Variants in STARD13 observed in about 807,000 individuals in gnomAD.
The protein encoded by STARD13 is StAR related lipid transfer domain containing 13, also known as stAR-related lipid transfer protein 13.
Under a neutral mutation model 106.4 loss-of-function variants are expected in STARD13, and 62 were observed. That is an observed-to-expected ratio of 0.58 (90% confidence interval 0.48 to 0.72). STARD13 has a LOEUF of 0.72. STARD13 is among the 30% of genes least tolerant of loss of function. The probability of loss-of-function intolerance (pLI) is 0.00; values close to 1 mark genes in which losing one functional copy is unlikely to be tolerated. For missense variants in STARD13, 1,387 were observed against 1,424.0 expected (o/e 0.97, Z 0.42); for synonymous variants, 565 against 553.0 (o/e 1.02, Z -0.31).
At chr13:33,145,832 G>A (rs1880454730) in intron 3 of STARD13, among the ~76,000 whole-genome samples, 1 of 152,186 alleles carries the variant, frequency 6.6e-6, no homozygotes, top group South Asian at 2.1e-4. Context: ...GTAGTGACAG[G>A]AAACAGATGA....
the STARD13 span, among the ~76,000 whole-genome samples, chr13:33,421,993 T>C: frequency 8.1e-4 from 123 of 151,922 alleles, no homozygotes; most frequent in African/African-American, 2.8e-3. Flanking sequence ...AATATCATAC[T>C]GAATGGGAAA....
At chr13:33,402,776 C>T in the STARD13 span, among the ~76,000 whole-genome samples, 6 of 152,182 alleles carry the variant, frequency 3.9e-5, no homozygotes, top group South Asian at 2.1e-4. Flanking sequence ...GAGAGAAGTT[C>T]GGCTGGGGGT....
At chr13:33,263,000 C>A (rs1434417515) in intron 1 of STARD13, among the ~76,000 whole-genome samples, 2 of 152,210 alleles carry the variant, frequency 1.3e-5, no homozygotes, top group South Asian at 4.1e-4. Flanking sequence ...GACCGAAGAT[C>A]TCAAGATGAG....
chr13:33,660,843 C>T, the STARD13 span, among the ~76,000 whole-genome samples: 1 of 152,186 alleles, frequency 6.6e-6, no homozygotes, highest in African/African-American at 2.4e-5. Context: ...CTTGGCCTTC[C>T]AACGTGCTGG....
the STARD13 span, among the ~76,000 whole-genome samples, chr13:33,553,306 T>G: frequency 6.6e-6 from 1 of 152,030 alleles, no homozygotes; most frequent in Non-Finnish European, 1.5e-5. Flanking sequence ...TGTAGTTGTT[T>G]AACTTACAAC....
chr13:33,322,718 A>T (rs1345614108), intron 1 of STARD13, among the ~76,000 whole-genome samples: 2 of 152,220 alleles, frequency 1.3e-5, no homozygotes. Flanking sequence ...TTTTCTCTTG[A>T]TAAGCCAGGA....
chr13:33,291,209 A>G (rs1030705533), intron 1 of STARD13, among the ~76,000 whole-genome samples: 1 of 152,226 alleles, frequency 6.6e-6, no homozygotes, highest in Non-Finnish European at 1.5e-5. Flanking sequence ...ATTTCCATCC[A>G]CTAGCTCTGA....
the STARD13 span, among the ~76,000 whole-genome samples, chr13:33,461,487 G>T: frequency 6.6e-6 from 1 of 152,130 alleles, no homozygotes; most frequent in East Asian, 1.9e-4. Context: ...GAGAGATAAG[G>T]GTTCCTCAGT....
intron 1 of STARD13, among the ~76,000 whole-genome samples, chr13:33,171,697 T>C (rs759668236): frequency 1.5e-4 from 23 of 152,338 alleles, no homozygotes; most frequent in Admixed American, 1.3e-4. Flanking sequence ...AATCAACTGG[T>C]TGAAAAGGGA....
chr13:33,447,982 T>A, the STARD13 span, among the ~76,000 whole-genome samples: 3 of 152,346 alleles, frequency 2.0e-5, no homozygotes, highest in East Asian at 5.8e-4. Context: ...AAAGAGGTTA[T>A]GTATGCTGTT....
At chr13:33,349,623 T>C (rs1039058583) in intron 1 of STARD13, among the ~76,000 whole-genome samples, 1 of 152,142 alleles carries the variant, frequency 6.6e-6, no homozygotes, top group African/African-American at 2.4e-5. Context: ...AACAATCACT[T>C]CCTCTCTTGC....
chr13:33,392,214 T>A, the STARD13 span, among the ~76,000 whole-genome samples: 1 of 152,146 alleles, frequency 6.6e-6, no homozygotes, highest in Non-Finnish European at 1.5e-5. Context: ...AACCTTGTTG[T>A]GTTTGCCCAT....
intron 3 of STARD13, among the ~76,000 whole-genome samples, chr13:33,148,965 C>T (rs1339789628): frequency 2.6e-5 from 4 of 152,100 alleles, no homozygotes; most frequent in African/African-American, 9.7e-5. Flanking sequence ...TATGAGAAGG[C>T]TATATCCTCT....
At chr13:33,291,367 C>CT (rs1307782825) in intron 1 of STARD13, among the ~76,000 whole-genome samples, 1 of 152,172 alleles carries the variant, frequency 6.6e-6, no homozygotes, top group African/African-American at 2.4e-5. Context: ...ATTCATCCAG[C>CT]TGACTGCTCT....
intron 6 of STARD13, among the ~76,000 whole-genome samples, chr13:33,127,011 T>C (rs944120801): frequency 2.6e-5 from 4 of 152,230 alleles, no homozygotes; most frequent in Non-Finnish European, 5.9e-5. Context: ...GTGGTAAGCT[T>C]TGCATCAGGC....
chr13:33,582,247 A>G, the STARD13 span, among the ~76,000 whole-genome samples: 1 of 152,080 alleles, frequency 6.6e-6, no homozygotes, highest in African/African-American at 2.4e-5. Context: ...AAAAGATGAA[A>G]AAGGCTAAGT....
At chr13:33,142,411 A>G in intron 3 of STARD13, 38 bp from the exon 4 acceptor site, 1 of 1,536,074 alleles carries the variant, frequency 6.5e-7, no homozygotes, top group Non-Finnish European at 9.0e-7. Context: ...ACTTTCACTA[A>G]TGAATTTAAA....
At chr13:33,621,876 C>T in the STARD13 span, among the ~76,000 whole-genome samples, 1 of 150,896 alleles carries the variant, frequency 6.6e-6, no homozygotes, top group African/African-American at 2.4e-5. Context: ...ATGATCATGG[C>T]TCACTGCAAC....
chr13:33,162,424 C>G (rs1882741939), intron 3 of STARD13, among the ~76,000 whole-genome samples: 2 of 152,228 alleles, frequency 1.3e-5, no homozygotes, highest in South Asian at 2.1e-4. Context: ...ATGCAAATTT[C>G]TTCAGCCAGC....
Sources: gnomAD v4.1 joint callset for allele counts (sites outside exome capture counted in the v4.1 genomes callset) on GRCh38, gnomAD v4.1.1 for gene constraint, MANE v1.5 for transcripts, NCBI Gene and HGNC (gene_info 2026-07-23, HGNC 2026-07-21) for gene names.